UBE2R2: variants seen among roughly 807,000 people sequenced by gnomAD.
The protein encoded by UBE2R2 is ubiquitin conjugating enzyme E2 R2.
Under a neutral mutation model 27.8 loss-of-function variants are expected in UBE2R2, and 1 was observed. The ratio of observed to expected loss-of-function variants is 0.04; its 90% CI spans 0.01 to 0.17. The LOEUF (loss-of-function observed/expected upper bound fraction) is 0.17, where lower values mean the gene tolerates loss of function less well. Ranked by LOEUF, UBE2R2 falls within the 10% of genes least tolerant of loss-of-function variation. The probability of loss-of-function intolerance (pLI) is 1.00; values close to 1 mark genes in which losing one functional copy is unlikely to be tolerated. For missense variants in UBE2R2, 100 were observed against 291.0 expected (o/e 0.34, Z 4.78); for synonymous variants, 106 against 113.3 (o/e 0.94, Z 0.41).
chr9:33,876,101 C>T (rs1234028893), intron 1 of UBE2R2, among the ~76,000 whole-genome samples: 1 of 152,172 alleles, frequency 6.6e-6, no homozygotes, highest in Non-Finnish European at 1.5e-5. Context: ...GTGACTCACA[C>T]CTGTAATCCC....
chr9:33,834,627 T>C (rs1173044207), intron 1 of UBE2R2, among the ~76,000 whole-genome samples: 2 of 152,016 alleles, frequency 1.3e-5, no homozygotes, highest in African/African-American at 2.4e-5. Flanking sequence ...TTAGAAAATA[T>C]AGACCTCGCA....
intron 1 of UBE2R2, among the ~76,000 whole-genome samples, chr9:33,844,957 C>T (rs905437700): frequency 6.6e-6 from 1 of 151,680 alleles, no homozygotes. Flanking sequence ...TTAGTAGAGA[C>T]GGGGTTTCAC....
chr9:33,877,338 A>C (rs1230479282), intron 1 of UBE2R2, among the ~76,000 whole-genome samples: 1 of 151,834 alleles, frequency 6.6e-6, no homozygotes, highest in Non-Finnish European at 1.5e-5. Context: ...CCCGGCACCC[A>C]TGCCCGGCTA....
At chr9:33,826,951 C>T (rs889287129) in intron 1 of UBE2R2, among the ~76,000 whole-genome samples, 3 of 152,024 alleles carry the variant, frequency 2.0e-5, no homozygotes, top group African/African-American at 7.2e-5. Flanking sequence ...GGCATGATGT[C>T]GTGAACCTGT....
At chr9:33,860,118 T>A (rs868275430) in intron 1 of UBE2R2, among the ~76,000 whole-genome samples, 12 of 143,098 alleles carry the variant, frequency 8.4e-5, no homozygotes, top group African/African-American at 2.9e-4. Flanking sequence ...TTTTTTTTTT[T>A]TAAAAAAATA....
intron 1 of UBE2R2, among the ~76,000 whole-genome samples, chr9:33,886,606 G>A (rs1168193877): frequency 2.7e-5 from 4 of 149,452 alleles, no homozygotes. Flanking sequence ...AGTGAGCTGA[G>A]GTCACGTCAC....
Position 33,912,080 on chromosome 9 carries a change from A to G in UBE2R2, c.479A>G (p.Glu160Gly). The G allele has an allele frequency of 6.2e-7, 1 of 1,608,728 alleles. No individual in the cohort carries two copies. Among genetic ancestry groups the G allele is most frequent in the Non-Finnish European group, 8.5e-7 (1 of 1,178,410 alleles). Residue 160 changes from glutamate (E) to glycine (G), a missense_variant, in exon 4 of 5, where the codon GAA (glutamate) becomes GGA (glycine). Glu to Gly is a moderately conservative substitution (Grantham distance 98). Around this residue, in one of 3 missense-constraint regions of UBE2R2, gnomAD observed 55 missense variants for 122.6 expected, o/e 0.45. Coordinates refer to ENST00000263228, the MANE Select transcript of UBE2R2 (RefSeq NM_017811.4). ...KWRDSKGKDK[E>G]YAEIIRKQVS... Reference sequence around the variant, plus strand: ...AGAGACAGTAAAGGAAAAGACAAAGAATATGCTGAAATTATTAGGTAAGGT... The same window carrying G: ...AGAGACAGTAAAGGAAAAGACAAAGGATATGCTGAAATTATTAGGTAAGGT...
At chr9:33,843,427 T>C (rs1404950999) in intron 1 of UBE2R2, among the ~76,000 whole-genome samples, 1 of 151,820 alleles carries the variant, frequency 6.6e-6, no homozygotes, top group African/African-American at 2.4e-5. Flanking sequence ...AAAAGGAAAA[T>C]ACATTCATAG....
intron 1 of UBE2R2, among the ~76,000 whole-genome samples, chr9:33,871,733 C>T (rs570119549): frequency 3.3e-5 from 5 of 152,170 alleles, no homozygotes; most frequent in Admixed American, 1.3e-4. Context: ...TTTTTTGAGA[C>T]GGAGTCTCGC....
At chr9:33,852,358 T>C (rs73488975) in intron 1 of UBE2R2, among the ~76,000 whole-genome samples, 1 of 152,166 alleles carries the variant, frequency 6.6e-6, no homozygotes, top group African/African-American at 2.4e-5. Context: ...GGCCCGGAGT[T>C]ACAGGAATCC....
At chr9:33,906,639 T>A (rs1348504822) in intron 3 of UBE2R2, among the ~76,000 whole-genome samples, 1 of 152,160 alleles carries the variant, frequency 6.6e-6, no homozygotes, top group Non-Finnish European at 1.5e-5. Context: ...GTTATGCTTA[T>A]GGTGACATAG....
chr9:33,817,511 C>G lies in UBE2R2; in HGVS notation c.-247C>G, dbSNP rs1020697738. 23 of 210,912 alleles carry G rather than the reference C, an allele frequency of 1.1e-4. No individual in the cohort carries two copies. The highest frequency in any genetic ancestry group is 1.7e-4 in the Non-Finnish European group (19 of 114,514). The allele number at this position is 210,912 out of a possible 1,614,324, so 13.1% of individuals were successfully genotyped here. A position where few individuals can be genotyped will look rare whatever the true frequency, so the allele number is the denominator to read the frequency against. On this transcript the variant is annotated 5_prime_UTR_variant, in exon 1 of 5. Transcript: ENST00000263228. ...CCGTAGCGAATTCTCCTAACTCCCTCGACCTCTCCTCTCGCCCGGCCCGAG... is the reference window on the plus strand; with the variant it reads ...CCGTAGCGAATTCTCCTAACTCCCTGGACCTCTCCTCTCGCCCGGCCCGAG...
At chr9:33,837,249 T>G (rs1244663570) in intron 1 of UBE2R2, among the ~76,000 whole-genome samples, 1 of 152,130 alleles carries the variant, frequency 6.6e-6, no homozygotes, top group Non-Finnish European at 1.5e-5. Flanking sequence ...GACAGAATCT[T>G]GCTTTGTGGC....
At chr9:33,892,254 AAGT>A (rs1452509922) in intron 2 of UBE2R2, among the ~76,000 whole-genome samples, 5 of 152,194 alleles carry the variant, frequency 3.3e-5, no homozygotes, top group African/African-American at 1.2e-4. Flanking sequence ...TATTGTTAAA[AAGT>A]AGACAACTAA....
intron 2 of UBE2R2, among the ~76,000 whole-genome samples, chr9:33,892,277 T>C (rs1333310381): frequency 6.6e-6 from 1 of 152,208 alleles, no homozygotes; most frequent in Non-Finnish European, 1.5e-5. Flanking sequence ...ATGAGCACCA[T>C]ATTTTTCACA....
At chr9:33,854,978 C>T (rs1442478426) in intron 1 of UBE2R2, among the ~76,000 whole-genome samples, 1 of 152,106 alleles carries the variant, frequency 6.6e-6, no homozygotes, top group Non-Finnish European at 1.5e-5. Context: ...TCCCAAAGTG[C>T]TAAGATTATC....
chr9:33,853,198 T>G (rs1292798047), intron 1 of UBE2R2, among the ~76,000 whole-genome samples: 1 of 143,410 alleles, frequency 7.0e-6, no homozygotes, highest in African/African-American at 2.6e-5. Flanking sequence ...TCTGAGTATG[T>G]AAAAATATTC....
At chr9:33,845,960 C>T (rs1587440545) in intron 1 of UBE2R2, among the ~76,000 whole-genome samples, 1 of 152,094 alleles carries the variant, frequency 6.6e-6, no homozygotes, top group African/African-American at 2.4e-5. Flanking sequence ...GAAACCCCGT[C>T]TCTACTGAAA....
intron 3 of UBE2R2, among the ~76,000 whole-genome samples, chr9:33,910,970 G>GT (rs981936147): frequency 6.6e-5 from 10 of 152,154 alleles, no homozygotes; most frequent in African/African-American, 2.2e-4. Flanking sequence ...AGGCGTGGTA[G>GT]TACAATGCCT....
Sources: gnomAD v4.1 joint callset for allele counts (sites outside exome capture counted in the v4.1 genomes callset) on GRCh38, gnomAD v4.1.1 for gene constraint, gnomAD v4.1.1 regional missense constraint, MANE v1.5 for transcripts, NCBI Gene and HGNC (gene_info 2026-07-23, HGNC 2026-07-21) for gene names.